The following C1GALT1 variants were observed in gnomAD, a reference collection of about 807,000 sequenced individuals.
C1GALT1 encodes the protein core 1 synthase, glycoprotein-N-acetylgalactosamine 3-beta-galactosyltransferase 1, also known as glycoprotein-N-acetylgalactosamine 3-beta-galactosyltransferase 1.
C1GALT1 carries 11 observed loss-of-function variants against 31.0 expected under a neutral mutation model. The observed-to-expected ratio is 0.36, with a 90% CI of 0.22 to 0.59. The LOEUF is 0.59. C1GALT1 is among the 20% of genes least tolerant of loss of function. The pLI, the probability that C1GALT1 is intolerant of heterozygous loss-of-function variation, is 0.79. For synonymous variants in C1GALT1, 175 were observed against 143.6 expected (o/e 1.22, Z -1.56); for missense variants, 424 against 425.2 (o/e 1.00, Z 0.03).
intron 3 of C1GALT1, among the ~76,000 whole-genome samples, chr7:7,241,323 C>G (rs1783617874): frequency 1.3e-5 from 2 of 151,926 alleles, no homozygotes; most frequent in Admixed American, 1.3e-4. Context: ...TACACTGTAA[C>G]CTTACTTATA....
intron 1 of C1GALT1, among the ~76,000 whole-genome samples, chr7:7,208,341 T>C (rs1353233790): frequency 6.6e-6 from 1 of 152,190 alleles, no homozygotes; most frequent in African/African-American, 2.4e-5. Flanking sequence ...ATTTACAAAT[T>C]AGACTTTCTC....
At chr7:7,212,673 G>C (rs945628634) in intron 1 of C1GALT1, among the ~76,000 whole-genome samples, 1 of 152,128 alleles carries the variant, frequency 6.6e-6, no homozygotes, top group African/African-American at 2.4e-5. Context: ...AAAGGTTTGG[G>C]ATAAGTGGTG....
intron 1 of C1GALT1, chr7:7,183,669 C>T (rs1055026342): frequency 1.2e-5 from 10 of 849,732 alleles, no homozygotes; most frequent in Non-Finnish European, 1.4e-5. Flanking sequence ...TTACCGTCTC[C>T]CCACCCCCCA....
At chr7:7,229,160 T>C (rs931825979) in intron 1 of C1GALT1, among the ~76,000 whole-genome samples, 22 of 152,330 alleles carry the variant, frequency 1.4e-4, no homozygotes, top group African/African-American at 5.1e-4. Context: ...TGCTTTCTTC[T>C]CCAGTGCCAG....
chr7:7,191,342 C>A (rs77680161), intron 1 of C1GALT1, among the ~76,000 whole-genome samples: 5,003 of 152,228 alleles, frequency 0.033, 186 homozygotes, highest in African/African-American at 0.091. Flanking sequence ...AGGCTGAATA[C>A]TATTCCATTG....
intron 1 of C1GALT1, among the ~76,000 whole-genome samples, chr7:7,220,151 T>G (rs1389706489): frequency 6.6e-6 from 1 of 152,162 alleles, no homozygotes; most frequent in African/African-American, 2.4e-5. Context: ...TCTTTTGAGT[T>G]TTTTGTAGTA....
chr7:7,162,943 G>A (rs549434085), intron 2 of C1GALT1, among the ~76,000 whole-genome samples: 30 of 152,124 alleles, frequency 2.0e-4, no homozygotes, highest in East Asian at 9.6e-4. Context: ...CATGTCCTTC[G>A]CCCACTTTTT....
intron 1 of C1GALT1, among the ~76,000 whole-genome samples, chr7:7,228,715 G>C (rs1181208475): frequency 6.6e-6 from 1 of 152,184 alleles, no homozygotes; most frequent in Non-Finnish European, 1.5e-5. Context: ...CATTCTGAGT[G>C]TGCTGATACT....
intron 1 of C1GALT1, among the ~76,000 whole-genome samples, chr7:7,194,385 G>A (rs1476514260): frequency 6.6e-6 from 1 of 152,038 alleles, no homozygotes; most frequent in Non-Finnish European, 1.5e-5. Flanking sequence ...AATTATAAAG[G>A]GACACTGGAT....
chr7:7,206,343 G>T lies in C1GALT1; in HGVS notation c.-18+23523G>T, dbSNP rs188087586. On this transcript the variant is annotated intron_variant, in intron 1 of 3. Transcript: ENST00000436587. ...TTATTATCTAGTATTCTTTTGTTTC[G>T]ACTGGGAGAATTTTGCTCTACAGAG... 2.3e-3 allele frequency among the ~76,000 whole-genome samples: 351 copies of T among 151,478 alleles called. 2 individuals are homozygous for T. The highest frequency in any genetic ancestry group is 1.1e-3 in the Non-Finnish European group (78 of 67,916).
At chr7:7,183,005 TCCCGCTCCCGGAG>T (rs1780653019) in intron 1 of C1GALT1, among the ~76,000 whole-genome samples, 185 bp downstream of exon 1, 2 of 151,998 alleles carry the variant, frequency 1.3e-5, no homozygotes, top group South Asian at 4.1e-4. Flanking sequence ...CGCGAGGACT[TCCCGCTCCCGGAG>T]CCTTAGCGAT....
At chr7:7,186,409 G>T (rs147442740) in intron 1 of C1GALT1, among the ~76,000 whole-genome samples, 2 of 152,098 alleles carry the variant, frequency 1.3e-5, no homozygotes, top group African/African-American at 2.4e-5. Context: ...TCTGAAACAC[G>T]GGTTCTAAAA....
intron 2 of C1GALT1, among the ~76,000 whole-genome samples, chr7:7,161,618 C>T (rs1368305686): frequency 1.3e-5 from 2 of 152,008 alleles, no homozygotes; most frequent in Non-Finnish European, 2.9e-5. Context: ...AAAAGACAGG[C>T]ATCATCATCT....
chr7:7,216,489 C>T (rs1782246798), intron 1 of C1GALT1, among the ~76,000 whole-genome samples: 1 of 145,632 alleles, frequency 6.9e-6, no homozygotes, highest in African/African-American at 2.7e-5. Context: ...TTGCCTGGAT[C>T]CCCCCTCCCC....
chr7:7,222,900 G>GTTTT lies in C1GALT1; in HGVS notation c.-17-11397_-17-11394dup, dbSNP rs386409457. On this transcript the variant is annotated intron_variant, in intron 1 of 3. Transcript: ENST00000436587. Reference sequence around the variant, plus strand: ...TTCAATCTGTATGACAGGTATGTGAGTTTTTTTTTGGTTTTATGCTTGTGT... The same window carrying GTTTT: ...TTCAATCTGTATGACAGGTATGTGAGTTTTTTTTTTTTTGGTTTTATGCTTGTGT... 6.0e-3 allele frequency among the ~76,000 whole-genome samples: 641 copies of GTTTT among 107,204 alleles called. 6 individuals carry two copies. The highest frequency in any genetic ancestry group is 0.029 in the African/African-American group (616 of 21,594). 70.3% of individuals were successfully genotyped at this position (107,204 alleles called of 152,430 possible). A position where few individuals can be genotyped will look rare whatever the true frequency, so the allele number is the denominator to read the frequency against.
chr7:7,218,553 G>A (rs1247514846), intron 1 of C1GALT1, among the ~76,000 whole-genome samples: 3 of 152,152 alleles, frequency 2.0e-5, no homozygotes, highest in African/African-American at 2.4e-5. Context: ...AATAAGGTGA[G>A]CTGCTTTGCC....
intron 2 of C1GALT1, among the ~76,000 whole-genome samples, chr7:7,170,666 C>A (rs796158273): frequency 6.6e-6 from 1 of 152,098 alleles, no homozygotes. Context: ...ATCTGTGATC[C>A]CACTTACTCA....
At chr7:7,161,375 A>G (rs1424028059) in intron 2 of C1GALT1, among the ~76,000 whole-genome samples, 2 of 152,154 alleles carry the variant, frequency 1.3e-5, no homozygotes, top group Admixed American at 1.3e-4. Context: ...ATTTTAGTAT[A>G]AACATATTTA....
chr7:7,242,210 CT>C (rs79025784), intron 3 of C1GALT1, among the ~76,000 whole-genome samples: 8,589 of 132,246 alleles, frequency 0.065, 580 homozygotes, highest in African/African-American at 0.18. Flanking sequence ...TGAAATTTCA[CT>C]TTTTTTTTTT....
Sources: allele counts gnomAD v4.1 joint callset (sites outside exome capture counted in the v4.1 genomes callset), GRCh38; gene constraint gnomAD v4.1.1; transcripts MANE v1.5; gene names NCBI Gene and HGNC (gene_info 2026-07-23, HGNC 2026-07-21).